EFCAB8: variants seen among roughly 807,000 people sequenced by gnomAD.
EFCAB8 encodes EF-hand calcium binding domain 8, also known as EF-hand calcium-binding domain-containing protein 8.
A neutral mutation model predicts 116.3 loss-of-function variants in EFCAB8; 100 were observed. The ratio of observed to expected loss-of-function variants is 0.86; its 90% CI spans 0.73 to 1.02. EFCAB8 has a LOEUF of 1.02. Ranked by LOEUF, EFCAB8 falls within the 50% of genes least tolerant of loss-of-function variation. The pLI is 0.00. For synonymous variants in EFCAB8, 558 were observed against 567.9 expected, an observed-to-expected ratio of 0.98 and a Z score of 0.25; for missense variants, 1,320 against 1,416.9, an observed-to-expected ratio of 0.93 and a Z score of 1.10.
chr20:32,885,548 C>A lies in EFCAB8; in HGVS notation c.475C>A (p.Arg159=). The change falls in exon 6 of 27, where the codon CGG becomes AGG. Residue 159 remains arginine, a synonymous_variant. Transcript: ENST00000400522. ...EVVKVVFLIH[R]FKKIGCFLTV... ...GGTGAAGGTGGTGTTTTTAATCCAC[C>A]GGTTCAAGAAGATCGGGTGTTTCCT... 1 of 1,551,656 alleles carries A rather than the reference C, an allele frequency of 6.4e-7. No individual in the cohort carries two copies.
intron 1 of EFCAB8, among the ~76,000 whole-genome samples, chr20:32,861,073 C>A (rs1378742281): frequency 6.6e-6 from 1 of 152,086 alleles, no homozygotes; most frequent in Non-Finnish European, 1.5e-5. Flanking sequence ...TCATGGAAAT[C>A]TCTCTTAGCT....
chr20:32,942,545 T>G (rs1330009402), intron 22 of EFCAB8, among the ~76,000 whole-genome samples: 1 of 151,850 alleles, frequency 6.6e-6, no homozygotes, highest in African/African-American at 2.4e-5. Context: ...AATAAAAATA[T>G]ATTAAAAGAT....
chr20:32,919,824 G>T lies in EFCAB8; in HGVS notation c.2275-254G>T, dbSNP rs146176232. Among the ~76,000 whole-genome samples the T allele has an allele frequency of 5.2e-3, 793 of 152,196 alleles. 6 individuals carry two copies. Among genetic ancestry groups the T allele is most frequent in the African/African-American group, 0.016 (669 of 41,520 alleles). ...TTTATCCTCATTTTTAACCAGGATG[G>T]TCTCTTCCAGGACAAAGGAAGCATC... On this transcript the variant is annotated intron_variant, in intron 19 of 26. Coordinates refer to ENST00000400522, the MANE Select transcript of EFCAB8 (RefSeq NM_001143967.2).
intron 20 of EFCAB8, among the ~76,000 whole-genome samples, chr20:32,922,548 G>A (rs1291666491): frequency 1.3e-5 from 2 of 152,152 alleles, no homozygotes; most frequent in Admixed American, 6.5e-5. Flanking sequence ...AAAATAAAGG[G>A]CATGTCACAG....
intron 22 of EFCAB8, among the ~76,000 whole-genome samples, chr20:32,942,143 G>T (rs1373305164): frequency 6.6e-6 from 1 of 152,076 alleles, no homozygotes; most frequent in Non-Finnish European, 1.5e-5. Context: ...GATCCTCTAG[G>T]TCTATCAGAG....
chr20:32,916,440 G>C (rs1218540560), intron 17 of EFCAB8, among the ~76,000 whole-genome samples: 2 of 151,806 alleles, frequency 1.3e-5, no homozygotes, highest in African/African-American at 4.8e-5. Context: ...ATTTTTTTTT[G>C]TAGAGATGTG....
intron 20 of EFCAB8, among the ~76,000 whole-genome samples, chr20:32,924,985 G>T (rs994127575): frequency 6.6e-6 from 1 of 152,178 alleles, no homozygotes; most frequent in African/African-American, 2.4e-5. Flanking sequence ...GGTCCAGAGT[G>T]CTTGGGTCAT....
Position 32,875,904 on chromosome 20 carries a change from GCT to G in EFCAB8, c.209-17_209-16del. 1.3e-6 allele frequency: 2 copies of G among 1,546,962 alleles called. No homozygotes were observed. The highest frequency in any genetic ancestry group is 8.8e-7 in the Non-Finnish European group (1 of 1,142,770). ...AGGGACTTGTGAGGAAGGGGATGATGCTCTCTGTTCTCTCTTTGAAGCCCTGG... is the reference window on the plus strand; with the variant it reads ...AGGGACTTGTGAGGAAGGGGATGATGCTCTGTTCTCTCTTTGAAGCCCTGG... On this transcript the variant is annotated intron_variant, in intron 3 of 26. Transcript: ENST00000400522.
At chr20:32,875,247 C>T (rs918687070) in intron 3 of EFCAB8, among the ~76,000 whole-genome samples, 1 of 152,178 alleles carries the variant, frequency 6.6e-6, no homozygotes, top group East Asian at 1.9e-4. Context: ...CAAAAGATAA[C>T]CATGTGAGGA....
chr20:32,939,179 CTTTCTTTCTTTCTTTCTTTCTTTCCTCT>C lies in EFCAB8; in HGVS notation c.2791-4456_2791-4429del, dbSNP rs1366420551. Among the ~76,000 whole-genome samples the C allele has an allele frequency of 5.0e-3, 412 of 83,194 alleles. 8 individuals carry two copies. Among genetic ancestry groups the C allele is most frequent in the South Asian group, 0.016 (43 of 2,738 alleles). 54.6% of individuals were successfully genotyped at this position (83,194 alleles called of 152,430 possible). On this transcript the variant is annotated intron_variant, in intron 22 of 26. Transcript: ENST00000400522. Reference sequence around the variant, plus strand: ...TCTTTCTTTCTTTCTTTCTTTCTTTCTTTCTTTCTTTCTTTCTTTCTTTCCTCTCTCTCTCTCTCTCTCTCTCTTTCCC... The same window carrying C: ...TCTTTCTTTCTTTCTTTCTTTCTTTCCTCTCTCTCTCTCTCTCTCTTTCCC...
chr20:32,917,558 G>A, intron 18 of EFCAB8, 53 bp downstream of exon 18: 1 of 524,754 alleles, frequency 1.9e-6, no homozygotes, highest in Non-Finnish European at 3.6e-6. Context: ...CTGTGAACCA[G>A]AATCCTGTGG....
At chr20:32,895,828 C>T (rs180791700) in intron 9 of EFCAB8, among the ~76,000 whole-genome samples, 6 of 152,154 alleles carry the variant, frequency 3.9e-5, no homozygotes, top group Admixed American at 2.6e-4. Flanking sequence ...GTCTCGCCCT[C>T]CCAAAGTGCT....
At chr20:32,870,803 C>T (rs1463611862) in intron 3 of EFCAB8, among the ~76,000 whole-genome samples, 1 of 152,064 alleles carries the variant, frequency 6.6e-6, no homozygotes, top group African/African-American at 2.4e-5. Flanking sequence ...CACCCAGCCT[C>T]CTATGACCTT....
intron 22 of EFCAB8, among the ~76,000 whole-genome samples, chr20:32,942,741 G>A (rs1029353001): frequency 9.2e-5 from 14 of 151,772 alleles, no homozygotes; most frequent in East Asian, 7.7e-4. Context: ...ATACTGATTC[G>A]TTCTTTTGTA....
Position 32,860,735 on chromosome 20 carries a change from T to A in EFCAB8, c.-11+1729T>A, listed in dbSNP as rs141904608. On this transcript the variant is annotated intron_variant, in intron 1 of 26. Transcript: ENST00000400522. Reference sequence around the variant, plus strand: ...TGCACCCTTTTCTGCATCTTGGTTTTTTTATTTATTTATTTTTTTGAGACA... The same window carrying A: ...TGCACCCTTTTCTGCATCTTGGTTTATTTATTTATTTATTTTTTTGAGACA... 9.2e-4 allele frequency among the ~76,000 whole-genome samples: 140 copies of A among 152,098 alleles called. 1 individual carries two copies. The highest frequency in any genetic ancestry group is 2.7e-3 in the African/African-American group (111 of 41,458).
chr20:32,887,233 G>A (rs1420551007), intron 6 of EFCAB8, among the ~76,000 whole-genome samples: 2 of 152,118 alleles, frequency 1.3e-5, no homozygotes, highest in South Asian at 2.1e-4. Context: ...TTTTCAGATC[G>A]TACTTCTTTC....
intron 8 of EFCAB8, 115 bp downstream of exon 8, chr20:32,892,412 A>C (rs1985964439): frequency 1.1e-6 from 1 of 870,834 alleles, no homozygotes. Context: ...AGATCTGGAA[A>C]TATCTCCCCA....
chr20:32,920,336 G>A (rs1366456454), intron 20 of EFCAB8, 121 bp downstream of exon 20: 34 of 1,358,560 alleles, frequency 2.5e-5, no homozygotes, highest in Middle Eastern at 2.1e-4. Context: ...CCCAGTGCCC[G>A]GAAGGCATCT....
rs1989131352 is a variant in EFCAB8, at chr20:32,960,986, TGGTTAGTGGTA to T, written c.3394-148_3394-138del. On this transcript the variant is annotated intron_variant, in intron 26 of 26. Coordinates refer to ENST00000400522, the MANE Select transcript of EFCAB8 (RefSeq NM_001143967.2). ...GGATGCATGGGCCCGCAGGCCACGGTGGTTAGTGGTAGCCACAGTCCTCTGGACACACGCCT... is the reference window on the plus strand; with the variant it reads ...GGATGCATGGGCCCGCAGGCCACGGTGCCACAGTCCTCTGGACACACGCCT... The T allele has an allele frequency of 7.4e-6, 5 of 676,236 alleles. No individual in the cohort carries two copies. In the Admixed American group the frequency reaches 1.2e-4, roughly 17 times the overall value. 41.9% of individuals were successfully genotyped at this position (676,236 alleles called of 1,614,324 possible).
Sources: gnomAD v4.1 joint callset for allele counts (sites outside exome capture counted in the v4.1 genomes callset) on GRCh38, gnomAD v4.1.1 for gene constraint, MANE v1.5 for transcripts, NCBI Gene and HGNC (gene_info 2026-07-23, HGNC 2026-07-21) for gene names.